The following CCT5 variants were observed in gnomAD, a reference collection of about 807,000 sequenced individuals.
The protein encoded by CCT5 is T-complex protein 1 subunit epsilon.
CCT5 carries 6 observed loss-of-function variants against 55.0 expected under a neutral mutation model. That is an observed-to-expected ratio of 0.11 (90% confidence interval 0.06 to 0.22). The LOEUF (loss-of-function observed/expected upper bound fraction) is 0.22. Among genes scored for constraint, CCT5 ranks in the 10% least tolerant of loss-of-function variants. The pLI is 1.00. For missense variants in CCT5, 560 were observed against 694.6 expected, an observed-to-expected ratio of 0.81 and a Z score of 2.18; for synonymous variants, 231 against 243.7, an observed-to-expected ratio of 0.95 and a Z score of 0.49.
rs1746203483 is a variant in CCT5, at chr5:10,265,798, T to G, written c.*1015T>G. On this transcript the variant is annotated 3_prime_UTR_variant, in exon 11 of 11. Coordinates refer to ENST00000280326, the MANE Select transcript of CCT5 (RefSeq NM_012073.5). ...ACTCTGTTATTTGCTTGTTAATGAT[T>G]CTCTAGATTTTCTAAAATAATGTTT... is the stretch of plus-strand genomic sequence containing the variant. The G allele has an allele frequency of 1.3e-5, 2 of 152,072 alleles. No homozygotes were observed. The highest frequency in any genetic ancestry group is 6.6e-5 in the Admixed American group (1 of 15,260). 9.4% of individuals were successfully genotyped at this position (152,072 alleles called of 1,614,324 possible).
intron 1 of CCT5, among the ~76,000 whole-genome samples, chr5:10,252,946 C>A (rs1315122697): frequency 6.6e-6 from 1 of 151,640 alleles, no homozygotes; most frequent in African/African-American, 2.4e-5. Context: ...AATAATAATT[C>A]TATTACTCAA....
Position 10,258,245 on chromosome 5 carries a change from C to G in CCT5, c.665C>G (p.Thr222Ser). The G allele has an allele frequency of 6.2e-7, 1 of 1,614,202 alleles. No homozygotes were observed. Among genetic ancestry groups the G allele is most frequent in the Non-Finnish European group, 8.5e-7 (1 of 1,180,052 alleles). Residue 222 changes from threonine to serine, a missense_variant, in exon 5 of 11, where the codon ACT becomes AGT. Physicochemically the swap from Thr to Ser is moderately conservative, Grantham distance 58. Coordinates refer to ENST00000280326, the MANE Select transcript of CCT5 (RefSeq NM_012073.5). Reference protein sequence around the residue: ...EGKVGGRLEDTKLIKGVIVDK... With the variant: ...EGKVGGRLEDSKLIKGVIVDK... ...AAAGTGGGCGGCAGGCTGGAGGACA[C>G]TAAACTGATTAAGGGCGTGATTGTG...
chr5:10,261,806 T>A (rs1745974689), intron 8 of CCT5, 61 bp downstream of exon 8: 1 of 1,352,040 alleles, frequency 7.4e-7, no homozygotes, highest in Non-Finnish European at 1.1e-6. Context: ...CTGGCTTTTT[T>A]GCCTGTGTGT....
Position 10,265,733 on chromosome 5 carries a change from C to T in CCT5, c.*950C>T, listed in dbSNP as rs1466341802. On this transcript the variant is annotated 3_prime_UTR_variant, in exon 11 of 11. Transcript: ENST00000280326. ...CAGCAAGTAGTAGGGCCAGGTCAATCCCAGGCAGTCTGACCCCAGAGTGGC... is the reference window on the plus strand; with the variant it reads ...CAGCAAGTAGTAGGGCCAGGTCAATTCCAGGCAGTCTGACCCCAGAGTGGC... 6.6e-6 allele frequency: 1 copy of T among 150,646 alleles called. No individual in the cohort carries two copies. Among genetic ancestry groups the T allele is most frequent in the Non-Finnish European group, 1.5e-5 (1 of 67,744 alleles). The allele number at this position is 150,646 out of a possible 1,614,324, so 9.3% of individuals were successfully genotyped here.
Position 10,256,040 on chromosome 5 carries a change from G to A in CCT5, c.417G>A (p.Gln139=). 1 of 1,614,136 alleles carries A rather than the reference G, an allele frequency of 6.2e-7. No homozygotes were observed. The highest frequency in any genetic ancestry group is 8.5e-7 in the Non-Finnish European group (1 of 1,179,952). ...TCAGAATAGCCGATGGCTATGAGCA[G>A]GCTGCTCGTGTTGCTATTGAACACC... is the stretch of plus-strand genomic sequence containing the variant. ...HPIRIADGYE[Q]AARVAIEHLD... is the part of the protein sequence containing the mutation. Residue 139 remains glutamine, a synonymous_variant, in exon 4 of 11, where the codon CAG becomes CAA. Transcript: ENST00000280326.
At chr5:10,262,709 A>G in intron 9 of CCT5, 91 bp downstream of exon 9, 1 of 1,394,930 alleles carries the variant, frequency 7.2e-7, no homozygotes, top group Non-Finnish European at 1.0e-6. Context: ...CTGGATGCAA[A>G]ACAAGCATCG....
At chr5:10,260,956 C>T (rs181453974) in intron 7 of CCT5, 45 bp downstream of exon 7, 1,753 of 1,607,614 alleles carry the variant, frequency 1.1e-3, no homozygotes, top group Non-Finnish European at 1.4e-3. Flanking sequence ...AGGGGTTCAT[C>T]TTATGTGTTG....
rs1423246896 is a variant in CCT5 at position 10,260,783 on chromosome 5, T to C, written c.874-9T>C. The C allele has an allele frequency of 6.8e-6, 11 of 1,612,484 alleles. No individual in the cohort carries two copies. Among genetic ancestry groups the C allele is most frequent in the African/African-American group, 1.3e-5 (1 of 74,906 alleles). ...TCTCTTAATACGATTGTGGTGGTTC[T>C]TTTCCCAGATTAAAGAGACTGGTGC... On this transcript the variant is annotated splice_polypyrimidine_tract_variant and intron_variant, in intron 6 of 10. Coordinates refer to ENST00000280326, the MANE Select transcript of CCT5 (RefSeq NM_012073.5).
rs1045176547 is a variant in CCT5 at position 10,261,446 on chromosome 5, G to A, written c.994-114G>A. 9 of 947,310 alleles carry A rather than the reference G, an allele frequency of 9.5e-6. No individual in the cohort carries two copies. In the African/African-American group the frequency reaches 1.5e-4, roughly 15 times the overall value. 58.7% of individuals were successfully genotyped at this position (947,310 alleles called of 1,614,324 possible). On this transcript the variant is annotated intron_variant, in intron 7 of 10. Coordinates refer to ENST00000280326, the MANE Select transcript of CCT5 (RefSeq NM_012073.5). ...GAGATGTCTCGGTCAAAGTGGGGCA[G>A]CAGTTCTAGTGAACAAGTTGGTCTT...
At chr5:10,259,605 C>T (rs1334596666) in intron 6 of CCT5, among the ~76,000 whole-genome samples, 1 of 152,308 alleles carries the variant, frequency 6.6e-6, no homozygotes, top group East Asian at 1.9e-4. Flanking sequence ...GAGAGCAGTG[C>T]CCCTGGGGGA....
chr5:10,262,403 T>G, intron 8 of CCT5, 78 bp from the exon 9 acceptor site: 1 of 1,516,410 alleles, frequency 6.6e-7, no homozygotes. Flanking sequence ...CTCTCTGTCT[T>G]TAAAAAGGTG....
intron 10 of CCT5, 28 bp from the exon 11 acceptor site, chr5:10,264,628 G>A: frequency 7.1e-7 from 1 of 1,415,076 alleles, no homozygotes; most frequent in Non-Finnish European, 1.0e-6. Flanking sequence ...TGCTATTTTA[G>A]GATAATCAGT....
chr5:10,259,029 G>C (rs1202231235), intron 6 of CCT5, among the ~76,000 whole-genome samples: 1 of 152,174 alleles, frequency 6.6e-6, no homozygotes, highest in African/African-American at 2.4e-5. Flanking sequence ...CCTGAAAGAA[G>C]TGACCCTGTT....
rs555534209 is a variant in CCT5, at chr5:10,258,108, C to T, written c.531-3C>T. The T allele has an allele frequency of 5.2e-5, 84 of 1,613,924 alleles. No individual in the cohort carries two copies. Among genetic ancestry groups the T allele is most frequent in the African/African-American group, 4.8e-4 (36 of 75,028 alleles). ...GAAGTTTGTTTTGTGGTGTTTTCCT[C>T]AGGGTCAACAGTTGTCACCGACAGA... On this transcript the variant is annotated splice_polypyrimidine_tract_variant and splice_region_variant and intron_variant, in intron 4 of 10. Coordinates refer to ENST00000280326, the MANE Select transcript of CCT5 (RefSeq NM_012073.5).
At position 10,265,014 on chromosome 5, in the gene CCT5, C is replaced by T. The variant is rs1227305429; in HGVS notation, c.*231C>T. Reference sequence around the variant, plus strand: ...GTATTAAAAGAATCTGTTTAAACAACCTTTATCTTCTCTTCGGGTTTAAGA... The same window carrying T: ...GTATTAAAAGAATCTGTTTAAACAATCTTTATCTTCTCTTCGGGTTTAAGA... On this transcript the variant is annotated 3_prime_UTR_variant, in exon 11 of 11. Transcript: ENST00000280326. 4.1e-6 allele frequency: 2 copies of T among 490,806 alleles called. No individual in the cohort carries two copies. Among genetic ancestry groups the T allele is most frequent in the Non-Finnish European group, 3.6e-6 (1 of 277,042 alleles). The allele number at this position is 490,806 out of a possible 1,614,324, so 30.4% of individuals were successfully genotyped here. A position where few individuals can be genotyped will look rare whatever the true frequency, so the allele number is the denominator to read the frequency against.
chr5:10,257,062 A>T (rs182267914), intron 4 of CCT5, among the ~76,000 whole-genome samples: 2 of 152,230 alleles, frequency 1.3e-5, no homozygotes, highest in Non-Finnish European at 2.9e-5. Flanking sequence ...GCTTTATTAC[A>T]TTATATTAAA....
At chr5:10,251,920 C>T (rs1430273028) in intron 1 of CCT5, among the ~76,000 whole-genome samples, 1 of 152,162 alleles carries the variant, frequency 6.6e-6, no homozygotes, top group Non-Finnish European at 1.5e-5. Context: ...TGCATTTGTG[C>T]CCAGAAGTCG....
intron 1 of CCT5, among the ~76,000 whole-genome samples, chr5:10,251,107 G>C (rs1006907684): frequency 1.3e-5 from 2 of 152,236 alleles, no homozygotes; most frequent in Non-Finnish European, 2.9e-5. Context: ...GGAAACGGTA[G>C]AAGTAAAGGC....
chr5:10,254,467 C>G (rs1177606961), intron 2 of CCT5: 1 of 583,638 alleles, frequency 1.7e-6, no homozygotes, highest in Non-Finnish European at 3.0e-6. Flanking sequence ...TTGAGATTAA[C>G]ATTATACTTA....
Sources: gnomAD v4.1 joint callset for allele counts (sites outside exome capture counted in the v4.1 genomes callset) on GRCh38, gnomAD v4.1.1 for gene constraint, MANE v1.5 for transcripts, NCBI Gene and HGNC (gene_info 2026-07-23, HGNC 2026-07-21) for gene names.